Variants in ACYP2 observed in about 807,000 individuals in gnomAD.
ACYP2 encodes the protein acylphosphatase-2.
In ACYP2, 12 loss-of-function variants were observed where a neutral mutation model predicts 11.2. The observed-to-expected ratio is 1.08, with a 90% CI of 0.69 to 1.74. ACYP2 has a LOEUF of 1.74. Among genes scored for constraint, ACYP2 ranks in the 40% most tolerant of loss-of-function variants. The pLI is 0.00. For missense variants in ACYP2, 134 were observed against 101.9 expected, an observed-to-expected ratio of 1.31 and a Z score of -1.35; for synonymous variants, 43 against 32.2, an observed-to-expected ratio of 1.33 and a Z score of -1.13.
chr2:54,122,240 C>T (rs568154543), intron 4 of ACYP2, among the ~76,000 whole-genome samples: 1 of 152,288 alleles, frequency 6.6e-6, no homozygotes, highest in South Asian at 2.1e-4. Flanking sequence ...ACATTTAAAA[C>T]TCATCACAGG....
intron 2 of ACYP2, among the ~76,000 whole-genome samples, chr2:54,026,476 C>A (rs1164914662): frequency 6.6e-6 from 1 of 152,090 alleles, no homozygotes; most frequent in Non-Finnish European, 1.5e-5. Flanking sequence ...TAAACTAGTA[C>A]AACTACTATG....
At chr2:54,050,310 G>C (rs1309936386) in intron 2 of ACYP2, among the ~76,000 whole-genome samples, 1 of 152,054 alleles carries the variant, frequency 6.6e-6, no homozygotes, top group South Asian at 2.1e-4. Flanking sequence ...CTACTTGGGA[G>C]GCTGAGGTGG....
intron 4 of ACYP2, among the ~76,000 whole-genome samples, chr2:54,066,342 G>A (rs1011376428): frequency 5.9e-5 from 9 of 152,186 alleles, no homozygotes; most frequent in African/African-American, 1.9e-4. Flanking sequence ...ATGATTGTAA[G>A]TTTCTTGAGG....
intron 2 of ACYP2, among the ~76,000 whole-genome samples, chr2:54,035,568 A>C (rs1674853286): frequency 6.6e-6 from 1 of 152,066 alleles, no homozygotes; most frequent in Non-Finnish European, 1.5e-5. Flanking sequence ...CCCGGCCTAG[A>C]GACAATTTCA....
intron 4 of ACYP2, among the ~76,000 whole-genome samples, chr2:54,117,642 G>C (rs2103733247): frequency 6.6e-6 from 1 of 152,300 alleles, no homozygotes; most frequent in African/African-American, 2.4e-5. Flanking sequence ...ACCTCGGTTG[G>C]TGGAAGAGTT....
At chr2:54,169,129 A>G (rs1341527315) in intron 6 of ACYP2, among the ~76,000 whole-genome samples, 2 of 152,158 alleles carry the variant, frequency 1.3e-5, no homozygotes, top group Admixed American at 6.6e-5. Flanking sequence ...TTCCCCACAG[A>G]ATGGAAGCTA....
At chr2:54,127,031 A>G (rs769607690) in intron 4 of ACYP2, among the ~76,000 whole-genome samples, 38 of 151,224 alleles carry the variant, frequency 2.5e-4, no homozygotes, top group Non-Finnish European at 5.5e-4. Flanking sequence ...GAGGTAGTCC[A>G]TAAGAATTGG....
At chr2:54,137,249 T>G (rs1292317240) in intron 5 of ACYP2, among the ~76,000 whole-genome samples, 1 of 152,048 alleles carries the variant, frequency 6.6e-6, no homozygotes, top group African/African-American at 2.4e-5. Flanking sequence ...TTTATGTTAG[T>G]GTTCTTGCTA....
rs761181531 is a variant in ACYP2, at chr2:54,256,200, GTAGCGTCAA to G, written c.405-48487_405-48479del. 3.2e-6 allele frequency: 5 copies of G among 1,548,602 alleles called. No individual in the cohort carries two copies. In the African/African-American group the frequency reaches 6.9e-5, roughly 21 times the overall value. On this transcript the variant is annotated intron_variant, in intron 6 of 6. Coordinates refer to ENST00000607452, the MANE Select transcript of ACYP2 (RefSeq NM_001320586.2). ...TGGGTAGAGGCCAGGCCAGAGGTAG[GTAGCGTCAA>G]CGTTCCTCACACAAAATGGCGAGTA...
chr2:53,979,977 C>G (rs931174177), intron 2 of ACYP2, among the ~76,000 whole-genome samples: 5 of 152,054 alleles, frequency 3.3e-5, no homozygotes, highest in African/African-American at 1.2e-4. Flanking sequence ...TAGGCGTGAG[C>G]CACCACACCT....
chr2:54,115,148 T>C (rs941214394), intron 4 of ACYP2, among the ~76,000 whole-genome samples: 12 of 152,182 alleles, frequency 7.9e-5, no homozygotes, highest in African/African-American at 1.2e-4. Flanking sequence ...GATAAATGTA[T>C]TGTGTCCTTA....
intron 2 of ACYP2, among the ~76,000 whole-genome samples, chr2:54,013,267 G>A (rs867814300): frequency 0.058 from 6,108 of 105,986 alleles, 356 homozygotes; most frequent in East Asian, 0.24. Context: ...GTGTGTGTGT[G>A]TGTGTGTGTG....
intron 6 of ACYP2, among the ~76,000 whole-genome samples, chr2:54,269,784 T>C (rs1312363435): frequency 2.0e-5 from 3 of 152,226 alleles, no homozygotes; most frequent in Non-Finnish European, 4.4e-5. Context: ...ACCTCAATTT[T>C]ATTTATAGAA....
intron 3 of ACYP2, among the ~76,000 whole-genome samples, chr2:54,053,573 C>T (rs972018021): frequency 5.9e-5 from 9 of 152,328 alleles, no homozygotes; most frequent in South Asian, 2.1e-4. Flanking sequence ...GCTTGCCCAC[C>T]GGCTCTGACT....
At chr2:54,166,100 T>C (rs1299122362) in intron 6 of ACYP2, among the ~76,000 whole-genome samples, 1 of 152,178 alleles carries the variant, frequency 6.6e-6, no homozygotes, top group Non-Finnish European at 1.5e-5. Context: ...TTAATGCTCT[T>C]ATCTAGGTGC....
At chr2:54,016,725 CT>C (rs5831288) in intron 2 of ACYP2, among the ~76,000 whole-genome samples, 40,424 of 129,454 alleles carry the variant, frequency 0.31, 5,981 homozygotes, top group African/African-American at 0.46. Flanking sequence ...CCTTCAGTGT[CT>C]TTTTTTTTTT....
chr2:54,234,515 C>G (rs891900480), intron 6 of ACYP2, among the ~76,000 whole-genome samples: 1 of 152,222 alleles, frequency 6.6e-6, no homozygotes. Flanking sequence ...CTTTTGTCTG[C>G]AGCTGATACG....
chr2:54,235,823 A>C (rs894687022), intron 6 of ACYP2, among the ~76,000 whole-genome samples: 2 of 152,208 alleles, frequency 1.3e-5, no homozygotes, highest in African/African-American at 2.4e-5. Context: ...AATGAGAGTG[A>C]GACCCTGTCT....
intron 6 of ACYP2, among the ~76,000 whole-genome samples, chr2:54,252,276 A>C (rs897333320): frequency 6.6e-6 from 1 of 152,238 alleles, no homozygotes; most frequent in African/African-American, 2.4e-5. Flanking sequence ...CATTGTGTGA[A>C]CATTTTAAAA....
Sources: allele counts gnomAD v4.1 joint callset (sites outside exome capture counted in the v4.1 genomes callset), GRCh38; gene constraint gnomAD v4.1.1; transcripts MANE v1.5; gene names NCBI Gene and HGNC (gene_info 2026-07-23, HGNC 2026-07-21).